The following CSNK1G1 variants were observed in gnomAD, a reference collection of about 807,000 sequenced individuals.
CSNK1G1 encodes casein kinase 1 gamma 1, also known as casein kinase I isoform gamma-1.
Under a neutral mutation model 59.6 loss-of-function variants are expected in CSNK1G1, and 22 were observed. The observed-to-expected ratio is 0.37, with a 90% CI of 0.26 to 0.53. The LOEUF (loss-of-function observed/expected upper bound fraction) is 0.53. CSNK1G1 is among the 20% of genes least tolerant of loss of function. The pLI is 0.89. For missense variants in CSNK1G1, 384 were observed against 519.5 expected (o/e 0.74, Z 2.54); for synonymous variants, 179 against 177.1 (o/e 1.01, Z -0.08).
intron 2 of CSNK1G1, among the ~76,000 whole-genome samples, chr15:64,288,053 T>C (rs922679200): frequency 3.9e-5 from 6 of 152,118 alleles, no homozygotes; most frequent in African/African-American, 1.4e-4. Context: ...AAACACAGAA[T>C]TACCTAATAT....
chr15:64,245,309 A>T (rs1307197432), intron 4 of CSNK1G1, among the ~76,000 whole-genome samples: 1 of 152,234 alleles, frequency 6.6e-6, no homozygotes, highest in Non-Finnish European at 1.5e-5. Flanking sequence ...GTGAAGAGAC[A>T]ACCAGTAGAA....
chr15:64,165,982 A>T lies in CSNK1G1; in HGVS notation c.*5949T>A. ...ATCTCTCCTGGAGGAACCATTTCAA[A>T]TACACTTGAAATTGACATTCATGTT... On this transcript the variant is annotated 3_prime_UTR_variant, in exon 12 of 12. Coordinates refer to ENST00000303052, the MANE Select transcript of CSNK1G1 (RefSeq NM_022048.5). 1.5e-6 allele frequency: 1 copy of T among 665,422 alleles called. No homozygotes were observed. The highest frequency in any genetic ancestry group is 2.7e-6 in the Non-Finnish European group (1 of 371,826). 41.2% of individuals were successfully genotyped at this position (665,422 alleles called of 1,614,324 possible).
chr15:64,259,309 G>T, intron 2 of CSNK1G1, 68 bp from the exon 3 acceptor site: 1 of 1,106,578 alleles, frequency 9.0e-7, no homozygotes, highest in African/African-American at 1.6e-5. Flanking sequence ...CAAAATATTA[G>T]CTTACAGGGT....
chr15:64,216,547 G>A lies in CSNK1G1; in HGVS notation c.444+15C>T. 1 of 1,613,154 alleles carries A rather than the reference G, an allele frequency of 6.2e-7. No homozygotes were observed. The highest frequency in any genetic ancestry group is 8.5e-7 in the Non-Finnish European group (1 of 1,179,336). On this transcript the variant is annotated intron_variant, in intron 5 of 11. Transcript: ENST00000303052. The surrounding 1 kb of genome is among the most constrained non-coding windows in gnomAD (Gnocchi z 4.6). Reference sequence around the variant, plus strand: ...AACCAGCTTATTCTCTTCTAGAAGAGCAATTCCAACTTACCAGCTGGATGG... The same window carrying A: ...AACCAGCTTATTCTCTTCTAGAAGAACAATTCCAACTTACCAGCTGGATGG...
intron 6 of CSNK1G1, among the ~76,000 whole-genome samples, chr15:64,208,972 G>A (rs1245325301): frequency 1.3e-5 from 2 of 150,342 alleles, no homozygotes; most frequent in Non-Finnish European, 3.0e-5. Flanking sequence ...CTGCAGCCTC[G>A]CCCTCCTGGG....
chr15:64,220,208 C>A (rs1485914965), intron 4 of CSNK1G1, among the ~76,000 whole-genome samples: 2 of 151,902 alleles, frequency 1.3e-5, no homozygotes, highest in Non-Finnish European at 2.9e-5. Context: ...CATTGTCCTG[C>A]CTCAGCCTCC....
chr15:64,196,734 G>A (rs1250514835), intron 10 of CSNK1G1, among the ~76,000 whole-genome samples: 2 of 151,644 alleles, frequency 1.3e-5, no homozygotes, highest in African/African-American at 2.4e-5. Context: ...TTACAGGCGG[G>A]AGCCACCATG....
intron 3 of CSNK1G1, among the ~76,000 whole-genome samples, chr15:64,252,577 A>G (rs1222888406): frequency 4.6e-5 from 7 of 152,154 alleles, no homozygotes. Flanking sequence ...GTATGTATAC[A>G]CACCCTCCCC....
rs1052420210 is a variant in CSNK1G1, at chr15:64,168,985, T to C, written c.*2946A>G. 2.6e-5 allele frequency: 4 copies of C among 152,562 alleles called. No individual in the cohort carries two copies. The highest frequency in any genetic ancestry group is 9.7e-5 in the African/African-American group (4 of 41,422). The allele number at this position is 152,562 out of a possible 1,614,324, so 9.5% of individuals were successfully genotyped here. On this transcript the variant is annotated 3_prime_UTR_variant, in exon 12 of 12. Transcript: ENST00000303052. The stretch of plus-strand genomic sequence containing the variant: ...AAAAACCAAATATCTAGTAAGAGAT[T>C]TGTGAGGTTGGAAGGTGAGAACAGT...
intron 10 of CSNK1G1, among the ~76,000 whole-genome samples, chr15:64,190,066 T>C (rs2081950942): frequency 7.2e-5 from 11 of 152,080 alleles, no homozygotes; most frequent in Admixed American, 6.5e-4. Context: ...GTGATCCGCC[T>C]GCCTCAGCCT....
At chr15:64,289,497 G>A (rs1231085700) in intron 2 of CSNK1G1, among the ~76,000 whole-genome samples, 6 of 152,022 alleles carry the variant, frequency 3.9e-5, no homozygotes, top group Admixed American at 2.0e-4. Context: ...TTTAAACTAC[G>A]ATACTACTAC....
intron 3 of CSNK1G1, among the ~76,000 whole-genome samples, chr15:64,257,824 G>A (rs373028094): frequency 8.5e-5 from 13 of 152,066 alleles, no homozygotes; most frequent in Non-Finnish European, 1.6e-4. Context: ...GTGTCTGTTC[G>A]GTTAATCCTC....
chr15:64,238,518 A>AACAT (rs1555396879), intron 4 of CSNK1G1, among the ~76,000 whole-genome samples: 1 of 49,246 alleles, frequency 2.0e-5, no homozygotes, highest in African/African-American at 1.2e-4. Context: ...AAAAAAAAAA[A>AACAT]ATATATATAT....
intron 1 of CSNK1G1, among the ~76,000 whole-genome samples, chr15:64,316,475 G>A (rs1896269296): frequency 6.7e-6 from 1 of 149,606 alleles, no homozygotes; most frequent in Admixed American, 6.7e-5. Context: ...GGTGGAGGGT[G>A]CAGTAAGCTG....
intron 2 of CSNK1G1, among the ~76,000 whole-genome samples, chr15:64,277,572 A>T (rs1482006174): frequency 6.9e-6 from 1 of 145,134 alleles, no homozygotes; most frequent in East Asian, 2.0e-4. Context: ...ATTTAATATA[A>T]TAAATATATT....
intron 4 of CSNK1G1, among the ~76,000 whole-genome samples, chr15:64,237,108 T>C (rs905563276): frequency 6.6e-6 from 1 of 152,048 alleles, no homozygotes; most frequent in Non-Finnish European, 1.5e-5. Context: ...TTATAGAGAA[T>C]AGAAATTTGG....
At chr15:64,222,673 T>TAA (rs779834417) in intron 4 of CSNK1G1, among the ~76,000 whole-genome samples, 2 of 134,478 alleles carry the variant, frequency 1.5e-5, no homozygotes, top group East Asian at 2.1e-4. Flanking sequence ...CTTTAAAACT[T>TAA]AAAAAAAAAA....
intron 11 of CSNK1G1, among the ~76,000 whole-genome samples, chr15:64,177,638 T>G (rs2081757069): frequency 6.6e-6 from 1 of 152,070 alleles, no homozygotes. Flanking sequence ...GACTTTAAAC[T>G]CTCCTTACAT....
intron 1 of CSNK1G1, among the ~76,000 whole-genome samples, chr15:64,328,925 G>C (rs1257260545): frequency 5.1e-5 from 7 of 136,858 alleles, no homozygotes; most frequent in Non-Finnish European, 1.1e-4. Context: ...AAGAGACAAA[G>C]AAGGCCATTA....
Sources: allele counts gnomAD v4.1 joint callset (sites outside exome capture counted in the v4.1 genomes callset), GRCh38; gene constraint gnomAD v4.1.1; non-coding constraint Gnocchi (gnomAD v3.1); transcripts MANE v1.5; gene names NCBI Gene and HGNC (gene_info 2026-07-23, HGNC 2026-07-21).